The following CACNA2D1 variants were observed in gnomAD, a reference collection of about 807,000 sequenced individuals.
CACNA2D1 encodes voltage-dependent calcium channel subunit alpha-2/delta-1.
In CACNA2D1, 53 loss-of-function variants were observed where a neutral mutation model predicts 171.5. That is an observed-to-expected ratio of 0.31 (90% CI 0.25 to 0.39). The LOEUF (loss-of-function observed/expected upper bound fraction) is 0.39. Among genes scored for constraint, CACNA2D1 ranks in the 10% least tolerant of loss-of-function variants. CACNA2D1 has a pLI of 1.00. For missense variants in CACNA2D1, 903 were observed against 1,299.8 expected, an observed-to-expected ratio of 0.69 and a Z score of 4.69; for synonymous variants, 442 against 443.1, an observed-to-expected ratio of 1.00 and a Z score of 0.03.
At chr7:82,431,450 G>A (rs1158371217) in intron 1 of CACNA2D1, among the ~76,000 whole-genome samples, 2 of 152,122 alleles carry the variant, frequency 1.3e-5, no homozygotes, top group Non-Finnish European at 2.9e-5. Context: ...TACAGATGGA[G>A]AAATCAAGGC....
chr7:82,063,428 AG>A (rs2128980030), intron 9 of CACNA2D1, among the ~76,000 whole-genome samples: 1 of 152,294 alleles, frequency 6.6e-6, no homozygotes, highest in South Asian at 2.1e-4. Flanking sequence ...CTGGGTTATG[AG>A]GGTTTGGACA....
At chr7:81,953,614 T>C (rs1323916449) in intron 38 of CACNA2D1, among the ~76,000 whole-genome samples, 1 of 151,862 alleles carries the variant, frequency 6.6e-6, no homozygotes, top group Non-Finnish European at 1.5e-5. Flanking sequence ...AGTGGCTAGA[T>C]ACATAGCAAC....
At chr7:82,202,467 G>A (rs900568983) in intron 3 of CACNA2D1, among the ~76,000 whole-genome samples, 3 of 152,228 alleles carry the variant, frequency 2.0e-5, no homozygotes, top group Non-Finnish European at 2.9e-5. Flanking sequence ...CTTACTGCTC[G>A]GATGGGATCC....
intron 4 of CACNA2D1, among the ~76,000 whole-genome samples, chr7:82,165,519 T>A (rs1201532405): frequency 6.6e-6 from 1 of 152,050 alleles, no homozygotes; most frequent in Non-Finnish European, 1.5e-5. Context: ...TCACCCAGCA[T>A]AACTAACAAT....
chr7:82,390,398 A>C (rs776634142), intron 1 of CACNA2D1, among the ~76,000 whole-genome samples: 1 of 152,180 alleles, frequency 6.6e-6, no homozygotes, highest in East Asian at 1.9e-4. Context: ...AAAAGAGAGA[A>C]AAGTCTCTTG....
intron 6 of CACNA2D1, among the ~76,000 whole-genome samples, chr7:82,095,736 A>G (rs956174294): frequency 1.3e-5 from 2 of 152,212 alleles, no homozygotes; most frequent in Non-Finnish European, 1.5e-5. Context: ...TTAAGTTGGA[A>G]ATAATTTTCA....
chr7:82,298,587 T>C (rs1369236113), intron 3 of CACNA2D1, among the ~76,000 whole-genome samples: 1 of 151,950 alleles, frequency 6.6e-6, no homozygotes, highest in Admixed American at 6.6e-5. Flanking sequence ...TTTTTTTTTT[T>C]TTTAAGAGAC....
At chr7:82,219,563 G>A (rs1801531153) in intron 3 of CACNA2D1, among the ~76,000 whole-genome samples, 1 of 151,956 alleles carries the variant, frequency 6.6e-6, no homozygotes, top group South Asian at 2.1e-4. Context: ...CTAATTCTAG[G>A]TGACATTAAG....
At chr7:82,288,103 G>A (rs960607048) in intron 3 of CACNA2D1, among the ~76,000 whole-genome samples, 30 of 151,462 alleles carry the variant, frequency 2.0e-4, no homozygotes, top group African/African-American at 7.3e-4. Flanking sequence ...GCCTCCCAAA[G>A]TGCTGGGATT....
intron 5 of CACNA2D1, among the ~76,000 whole-genome samples, chr7:82,131,656 A>C (rs571143334): frequency 6.6e-6 from 1 of 152,200 alleles, no homozygotes; most frequent in South Asian, 2.1e-4. Flanking sequence ...TTATTAGTTG[A>C]TGTAGACGTA....
At position 82,032,869 on chromosome 7, in the gene CACNA2D1, A is replaced by C. The variant is rs1326863338; in HGVS notation, c.1071T>G (p.Ile357Met). 1 of 1,601,210 alleles carries C rather than the reference A, an allele frequency of 6.2e-7. No homozygotes were observed. Among genetic ancestry groups the C allele is most frequent in the Non-Finnish European group, 8.6e-7 (1 of 1,169,132 alleles). ...CTCCTCCATCCGTGAATAGCATAAT[A>C]ATCTTATTGCAGTTTGCTCTGGAAA... ...YNVSRANCNKIIMLFTDGGEE... is the reference protein window; with the variant it reads ...YNVSRANCNKMIMLFTDGGEE... The change falls in exon 12 of 39, where the codon ATT becomes ATG. Residue 357 changes from isoleucine to methionine, a missense_variant. Ile to Met is a conservative substitution (Grantham distance 10). Coordinates refer to ENST00000356860, the MANE Select transcript of CACNA2D1 (RefSeq NM_000722.4).
At chr7:82,382,227 T>A (rs1241816515) in intron 1 of CACNA2D1, among the ~76,000 whole-genome samples, 3 of 152,222 alleles carry the variant, frequency 2.0e-5, no homozygotes, top group Non-Finnish European at 4.4e-5. Context: ...ATTTCCTGAT[T>A]TTCTGATGGC....
At chr7:82,067,884 T>C (rs1220503831) in intron 7 of CACNA2D1, among the ~76,000 whole-genome samples, 1 of 152,144 alleles carries the variant, frequency 6.6e-6, no homozygotes, top group African/African-American at 2.4e-5. Context: ...TTCAGTACCA[T>C]GCTATGCTGA....
intron 6 of CACNA2D1, among the ~76,000 whole-genome samples, chr7:82,099,110 T>A (rs1228189523): frequency 4.2e-5 from 3 of 71,170 alleles, no homozygotes; most frequent in African/African-American, 1.1e-4. Context: ...TCCTTTACTT[T>A]CTTGTCAGTT....
At chr7:82,393,787 T>C (rs573925104) in intron 1 of CACNA2D1, among the ~76,000 whole-genome samples, 8 of 152,288 alleles carry the variant, frequency 5.3e-5, no homozygotes, top group African/African-American at 1.7e-4. Flanking sequence ...TATTCGAAAA[T>C]TTAAAATCAT....
intron 1 of CACNA2D1, among the ~76,000 whole-genome samples, chr7:82,407,064 C>T (rs1047924492): frequency 6.6e-6 from 1 of 152,144 alleles, no homozygotes; most frequent in Non-Finnish European, 1.5e-5. Flanking sequence ...CTGTTAATGA[C>T]AGTTTTCTGT....
intron 6 of CACNA2D1, among the ~76,000 whole-genome samples, chr7:82,116,713 C>T (rs1009755377): frequency 2.6e-5 from 4 of 152,278 alleles, no homozygotes; most frequent in African/African-American, 9.6e-5. Flanking sequence ...AATACAGCTG[C>T]ACAGTTTTGG....
Position 81,997,396 on chromosome 7 carries a change from T to TTA in CACNA2D1, c.1591-148_1591-147dup, listed in dbSNP as rs772030495. Reference sequence around the variant, plus strand: ...AAAGGTATCTTCTTTCATATATATTTTATATATATATATAGCTTATATATA... The same window carrying TTA: ...AAAGGTATCTTCTTTCATATATATTTTATATATATATATATAGCTTATATATA... On this transcript the variant is annotated intron_variant, in intron 18 of 38. Transcript: ENST00000356860. 1,556 of 423,374 alleles carry TTA rather than the reference T, an allele frequency of 3.7e-3. 10 individuals carry two copies. Among genetic ancestry groups the TTA allele is most frequent in the African/African-American group, 0.021 (997 of 48,104 alleles). 26.2% of individuals were successfully genotyped at this position (423,374 alleles called of 1,614,324 possible). A position where few individuals can be genotyped will look rare whatever the true frequency, so the allele number is the denominator to read the frequency against.
chr7:82,306,377 A>C (rs905476650), intron 3 of CACNA2D1, among the ~76,000 whole-genome samples: 2 of 152,186 alleles, frequency 1.3e-5, no homozygotes, highest in Non-Finnish European at 2.9e-5. Flanking sequence ...CATCCCTTTA[A>C]GAAGAAGGGG....
Sources: allele counts gnomAD v4.1 joint callset (sites outside exome capture counted in the v4.1 genomes callset), GRCh38; gene constraint gnomAD v4.1.1; transcripts MANE v1.5; gene names NCBI Gene and HGNC (gene_info 2026-07-23, HGNC 2026-07-21).